The following CNKSR2 variants were observed in gnomAD, a reference collection of about 807,000 sequenced individuals.
CNKSR2 encodes CNK homolog protein 2.
CNKSR2 carries 14 observed loss-of-function variants against 84.4 expected under a neutral mutation model. The ratio of observed to expected loss-of-function variants is 0.17; its 90% CI spans 0.11 to 0.26. The LOEUF (loss-of-function observed/expected upper bound fraction) is 0.26. Among genes scored for constraint, CNKSR2 ranks in the 10% least tolerant of loss-of-function variants. CNKSR2 has a pLI of 1.00. For synonymous variants in CNKSR2, 275 were observed against 277.9 expected, an observed-to-expected ratio of 0.99 and a Z score of 0.10; for missense variants, 485 against 771.2, an observed-to-expected ratio of 0.63 and a Z score of 4.40.
At chrX:21,523,213 C>T (rs2091802169) in intron 9 of CNKSR2, among the ~76,000 whole-genome samples, 1 of 110,664 alleles carries the variant, frequency 9.0e-6, no homozygotes, top group Admixed American at 9.6e-5. Context: ...AATGGTATGA[C>T]AAGGTCCTTC....
intron 8 of CNKSR2, among the ~76,000 whole-genome samples, chrX:21,512,637 A>G (rs1025138469): frequency 2.7e-5 from 3 of 111,542 alleles, no homozygotes; most frequent in Non-Finnish European, 5.7e-5. Context: ...GAACTAAGGC[A>G]GTGAGAAGAG....
At chrX:21,627,810 G>T (rs1275063772) in intron 20 of CNKSR2, among the ~76,000 whole-genome samples, 1 of 111,126 alleles carries the variant, frequency 9.0e-6, no homozygotes, top group Admixed American at 9.5e-5. Context: ...TGAGATTTGG[G>T]TGGGGACACA....
intron 1 of CNKSR2, among the ~76,000 whole-genome samples, chrX:21,408,540 C>T (rs968044494): frequency 9.0e-6 from 1 of 111,628 alleles, no homozygotes; most frequent in Non-Finnish European, 1.9e-5. Flanking sequence ...TAGTGCTTTA[C>T]ATAATATAAA....
At chrX:21,432,001 A>G (rs1404924127) in intron 2 of CNKSR2, among the ~76,000 whole-genome samples, 2 of 112,156 alleles carry the variant, frequency 1.8e-5, no homozygotes, top group African/African-American at 6.5e-5. Flanking sequence ...CATAATTTGT[A>G]TTACAAAAAG....
chrX:21,539,511 T>C (rs2091958183), intron 11 of CNKSR2, among the ~76,000 whole-genome samples: 1 of 111,788 alleles, frequency 8.9e-6, no homozygotes, highest in East Asian at 2.8e-4. Flanking sequence ...AGTTTTTTTT[T>C]CCTTTGGTGT....
At chrX:21,556,128 C>T (rs2092137790) in intron 11 of CNKSR2, among the ~76,000 whole-genome samples, 1 of 110,521 alleles carries the variant, frequency 9.0e-6, no homozygotes, top group African/African-American at 3.3e-5. Context: ...GGGAAAGAAA[C>T]TACGAAAATA....
At chrX:21,644,406 A>T (rs1394694917) in intron 20 of CNKSR2, 1 of 112,002 alleles carries the variant, frequency 8.9e-6, no homozygotes, top group Non-Finnish European at 1.9e-5. Flanking sequence ...TTTTGTTTTC[A>T]TTTTTTATGC....
intron 4 of CNKSR2, among the ~76,000 whole-genome samples, chrX:21,448,376 G>A (rs1421299254): frequency 2.7e-5 from 3 of 111,972 alleles, no homozygotes; most frequent in Non-Finnish European, 5.6e-5. Flanking sequence ...TTGCACACTT[G>A]TAATAAGAAA....
intron 7 of CNKSR2, among the ~76,000 whole-genome samples, chrX:21,500,601 C>G (rs2091549742): frequency 9.0e-6 from 1 of 110,755 alleles, no homozygotes; most frequent in East Asian, 2.8e-4. Context: ...AAGTAGCTAA[C>G]AAGAAAAATA....
At chrX:21,493,634 A>G (rs1194052582) in intron 6 of CNKSR2, 2 of 112,149 alleles carry the variant, frequency 1.8e-5, no homozygotes, top group Admixed American at 1.9e-4. Context: ...AAAAAGAGTC[A>G]TTTGAATTAC....
At chrX:21,610,443 T>A in intron 20 of CNKSR2, among the ~76,000 whole-genome samples, 1 of 112,367 alleles carries the variant, frequency 8.9e-6, no homozygotes, top group East Asian at 2.8e-4. Context: ...ACTCAGTTAT[T>A]TTAGTAAGAA....
chrX:21,652,481 C>T lies in CNKSR2; in HGVS notation c.3065C>T (p.Ser1022Phe), dbSNP rs144451192. The change falls in exon 22 of 22, where the codon TCT becomes TTT. Residue 1022 changes from serine to phenylalanine, a missense_variant. By Grantham distance (155) the Ser-to-Phe change is radical. Around this residue, in one of 5 missense-constraint regions of CNKSR2, gnomAD observed 210 missense variants for 291.5 expected, o/e 0.72. Coordinates refer to ENST00000379510, the MANE Select transcript of CNKSR2 (RefSeq NM_014927.5). ...ISSEVDVITS[S>F]LAHTHSYIET... ...TCTGAAGTAGATGTAATCACTTCCT[C>T]TCTAGCACACACTCATTCATACATT... 115 of 1,207,260 alleles carry T rather than the reference C, an allele frequency of 9.5e-5. No homozygotes were observed. Among genetic ancestry groups the T allele is most frequent in the Non-Finnish European group, 1.2e-4 (109 of 892,520 alleles).
chrX:21,573,301 C>G (rs891660555), intron 13 of CNKSR2, among the ~76,000 whole-genome samples: 3 of 112,055 alleles, frequency 2.7e-5, no homozygotes, highest in Admixed American at 9.4e-5. Flanking sequence ...TTTCCAGGAG[C>G]ACAGTGCAAG....
intron 8 of CNKSR2, chrX:21,504,544 T>C (rs1018816177): frequency 2.4e-5 from 5 of 206,013 alleles, no homozygotes; most frequent in African/African-American, 1.2e-4. Context: ...TAAAATCTGA[T>C]ATTTTTCTTT....
intron 1 of CNKSR2, among the ~76,000 whole-genome samples, chrX:21,416,566 CT>C (rs2090425748): frequency 9.0e-6 from 1 of 111,340 alleles, no homozygotes; most frequent in African/African-American, 3.3e-5. Flanking sequence ...AGCTCCCAGG[CT>C]TTTCTTTACT....
intron 19 of CNKSR2, 102 bp from the exon 20 acceptor site, chrX:21,608,969 G>A: frequency 2.8e-6 from 3 of 1,090,802 alleles, no homozygotes; most frequent in Non-Finnish European, 3.6e-6. Flanking sequence ...CTACGTAAGA[G>A]TTCATCTACT....
chrX:21,575,968 C>G (rs145124823), intron 13 of CNKSR2, among the ~76,000 whole-genome samples: 2,035 of 111,783 alleles, frequency 0.018, 31 homozygotes, highest in African/African-American at 0.062. Flanking sequence ...ACTGGAAGGA[C>G]AGATTGAAAG....
chrX:21,562,317 T>G (rs2092198731), intron 12 of CNKSR2, among the ~76,000 whole-genome samples: 1 of 111,409 alleles, frequency 9.0e-6, no homozygotes, highest in South Asian at 3.8e-4. Flanking sequence ...CAAAAAACTA[T>G]TCATAGAATG....
chrX:21,397,548 T>C (rs1046108184), intron 1 of CNKSR2, among the ~76,000 whole-genome samples: 1 of 110,656 alleles, frequency 9.0e-6, no homozygotes, highest in African/African-American at 3.3e-5. Context: ...TACATTTAAG[T>C]AGTGAGTAGA....
Sources: gnomAD v4.1 joint callset for allele counts (sites outside exome capture counted in the v4.1 genomes callset) on GRCh38, gnomAD v4.1.1 for gene constraint, gnomAD v4.1.1 regional missense constraint, MANE v1.5 for transcripts, NCBI Gene and HGNC (gene_info 2026-07-23, HGNC 2026-07-21) for gene names.